CHSY1: variants seen among roughly 807,000 people sequenced by gnomAD.
CHSY1 encodes the protein N-acetylgalactosaminyl-proteoglycan 3-beta-glucuronosyltransferase 1.
CHSY1 carries 13 observed loss-of-function variants against 59.8 expected under a neutral mutation model. That is an observed-to-expected ratio of 0.22 (90% CI 0.14 to 0.35). CHSY1 has a LOEUF of 0.35. Among genes scored for constraint, CHSY1 ranks in the 10% least tolerant of loss-of-function variants. The pLI is 1.00. For synonymous variants in CHSY1, 459 were observed against 401.2 expected (o/e 1.14, Z -1.72); for missense variants, 947 against 1,030.6 (o/e 0.92, Z 1.11).
intron 2 of CHSY1, among the ~76,000 whole-genome samples, chr15:101,233,254 A>T (rs1428698828): frequency 6.6e-6 from 1 of 152,108 alleles, no homozygotes; most frequent in African/African-American, 2.4e-5. Flanking sequence ...CTAACGCTAA[A>T]CCCAAGTTCT....
At chr15:101,214,404 T>C (rs1295507311) in intron 2 of CHSY1, among the ~76,000 whole-genome samples, 1 of 152,232 alleles carries the variant, frequency 6.6e-6, no homozygotes, top group Non-Finnish European at 1.5e-5. Context: ...TAGGAAGACA[T>C]GGACTAAAGT....
At chr15:101,199,617 G>T (rs1484197182) in intron 2 of CHSY1, among the ~76,000 whole-genome samples, 2 of 152,178 alleles carry the variant, frequency 1.3e-5, no homozygotes, top group Non-Finnish European at 2.9e-5. Flanking sequence ...GATGTGACAT[G>T]TATTTTACCA....
At chr15:101,189,267 G>A (rs746917753) in intron 2 of CHSY1, among the ~76,000 whole-genome samples, 16 of 152,200 alleles carry the variant, frequency 1.1e-4, no homozygotes, top group Non-Finnish European at 2.1e-4. Flanking sequence ...TGGCCTCCAC[G>A]CCCGTGCTCT....
chr15:101,208,741 C>G (rs1215872729), intron 2 of CHSY1, among the ~76,000 whole-genome samples: 1 of 149,038 alleles, frequency 6.7e-6, no homozygotes, highest in Non-Finnish European at 1.5e-5. Context: ...GATACAGAAG[C>G]CTGCAACAAA....
At chr15:101,210,916 T>C (rs1303150934) in intron 2 of CHSY1, among the ~76,000 whole-genome samples, 1 of 152,196 alleles carries the variant, frequency 6.6e-6, no homozygotes, top group Non-Finnish European at 1.5e-5. Flanking sequence ...AATAATGTGA[T>C]TAATATGTCC....
intron 2 of CHSY1, among the ~76,000 whole-genome samples, chr15:101,226,282 C>T (rs1335265474): frequency 6.6e-6 from 1 of 152,174 alleles, no homozygotes; most frequent in African/African-American, 2.4e-5. Flanking sequence ...CCTCACATTT[C>T]ACAAGCAAGC....
intron 2 of CHSY1, among the ~76,000 whole-genome samples, chr15:101,222,978 A>C (rs1310686444): frequency 6.6e-6 from 1 of 152,222 alleles, no homozygotes; most frequent in Non-Finnish European, 1.5e-5. Context: ...AAACCACCAC[A>C]GTGACTAACA....
At chr15:101,204,484 A>G (rs1334812945) in intron 2 of CHSY1, among the ~76,000 whole-genome samples, 1 of 150,494 alleles carries the variant, frequency 6.6e-6, no homozygotes, top group Non-Finnish European at 1.5e-5. Flanking sequence ...ACACTTATAG[A>G]GAAAATGATA....
intron 2 of CHSY1, among the ~76,000 whole-genome samples, chr15:101,216,513 A>G (rs893745686): frequency 2.0e-5 from 3 of 152,378 alleles, no homozygotes; most frequent in Admixed American, 2.0e-4. Context: ...CAGATATGGT[A>G]CATCCGTACG....
chr15:101,248,988 A>T (rs543426295), intron 1 of CHSY1, among the ~76,000 whole-genome samples: 13 of 130,394 alleles, frequency 1.0e-4, no homozygotes, highest in African/African-American at 3.8e-4. Flanking sequence ...CATTTTCAGT[A>T]GAGATGGGGT....
At chr15:101,184,535 A>G (rs1352022329) in intron 2 of CHSY1, among the ~76,000 whole-genome samples, 1 of 151,936 alleles carries the variant, frequency 6.6e-6, no homozygotes, top group East Asian at 1.9e-4. Context: ...TTTTTTGTAG[A>G]GATGGGGTTT....
At chr15:101,221,812 GTTTT>G (rs201193392) in intron 2 of CHSY1, among the ~76,000 whole-genome samples, 1 of 118,310 alleles carries the variant, frequency 8.5e-6, no homozygotes, top group Non-Finnish European at 1.6e-5. Flanking sequence ...GTCACAGGGA[GTTTT>G]TTTGTTTGTT....
At chr15:101,242,221 C>G (rs2039010026) in intron 1 of CHSY1, among the ~76,000 whole-genome samples, 1 of 152,048 alleles carries the variant, frequency 6.6e-6, no homozygotes, top group Non-Finnish European at 1.5e-5. Flanking sequence ...GAAAATGAGA[C>G]CAAAGAAAAG....
rs759264705 is a variant in CHSY1 at position 101,234,990 on chromosome 15, G to T, written c.816+92C>A. The T allele has an allele frequency of 3.0e-4, 450 of 1,503,290 alleles. 1 individual carries two copies. The highest frequency in any genetic ancestry group is 3.6e-4 in the Non-Finnish European group (392 of 1,093,086). The allele number at this position is 1,503,290 out of a possible 1,614,324, so 93.1% of individuals were successfully genotyped here. A position where few individuals can be genotyped will look rare whatever the true frequency, so the allele number is the denominator to read the frequency against. On this transcript the variant is annotated intron_variant, in intron 2 of 2. Transcript: ENST00000254190. ...AATACCAACTTCAACCCTCAAAGAGGATATCATCTCTAGTTTCCTATGATA... is the reference window on the plus strand; with the variant it reads ...AATACCAACTTCAACCCTCAAAGAGTATATCATCTCTAGTTTCCTATGATA...
intron 2 of CHSY1, among the ~76,000 whole-genome samples, chr15:101,205,228 G>A (rs1160342567): frequency 6.0e-5 from 9 of 151,054 alleles, no homozygotes; most frequent in Admixed American, 4.6e-4. Flanking sequence ...TACTATTTCT[G>A]TCTCTAATTC....
chr15:101,219,366 C>G (rs904466588), intron 2 of CHSY1, among the ~76,000 whole-genome samples: 1 of 152,116 alleles, frequency 6.6e-6, no homozygotes, highest in African/African-American at 2.4e-5. Flanking sequence ...GGACTGCAGA[C>G]GACAAAACAA....
chr15:101,233,592 C>T (rs191575269), intron 2 of CHSY1, among the ~76,000 whole-genome samples: 6 of 152,262 alleles, frequency 3.9e-5, no homozygotes, highest in Admixed American at 2.0e-4. Context: ...AAATCCGTGA[C>T]GACAGAGAGA....
At chr15:101,241,646 A>G (rs1187109765) in intron 1 of CHSY1, among the ~76,000 whole-genome samples, 1 of 152,228 alleles carries the variant, frequency 6.6e-6, no homozygotes, top group Non-Finnish European at 1.5e-5. Flanking sequence ...ACTAGTTACC[A>G]TTAAAAAGGT....
chr15:101,177,352 G>T lies in CHSY1; in HGVS notation c.*36C>A, dbSNP rs775401611. The T allele has an allele frequency of 1.3e-6, 2 of 1,585,672 alleles. No homozygotes were observed. Among genetic ancestry groups the T allele is most frequent in the Admixed American group, 3.8e-5 (2 of 52,546 alleles). ...CAAAAAATTTTTGAAAAATAAATTA[G>T]ATAATTAAAAACGTCTTTTCCAGCA... On this transcript the variant is annotated 3_prime_UTR_variant, in exon 3 of 3. Transcript: ENST00000254190.
Sources: gnomAD v4.1 joint callset for allele counts (sites outside exome capture counted in the v4.1 genomes callset) on GRCh38, gnomAD v4.1.1 for gene constraint, MANE v1.5 for transcripts, NCBI Gene and HGNC (gene_info 2026-07-23, HGNC 2026-07-21) for gene names.